The following DLG1 variants were observed in gnomAD, a reference collection of about 807,000 sequenced individuals.
DLG1 encodes the protein disks large homolog 1.
A neutral mutation model predicts 123.4 loss-of-function variants in DLG1; 42 were observed. That is an observed-to-expected ratio of 0.34 (90% CI 0.27 to 0.44). The LOEUF is 0.44. Ranked by LOEUF, DLG1 falls within the 20% of genes least tolerant of loss-of-function variation. The probability of loss-of-function intolerance (pLI) is 1.00; values close to 1 mark genes in which losing one functional copy is unlikely to be tolerated. For missense variants in DLG1, 942 were observed against 1,082.6 expected (o/e 0.87, Z 1.82); for synonymous variants, 317 against 356.2 (o/e 0.89, Z 1.24).
At chr3:197,277,015 CT>C (rs1243457634) in intron 4 of DLG1, among the ~76,000 whole-genome samples, 2 of 151,522 alleles carry the variant, frequency 1.3e-5, no homozygotes, top group African/African-American at 4.9e-5. Context: ...CCTCAGCCTC[CT>C]GAGTAGCTGG....
intron 19 of DLG1, among the ~76,000 whole-genome samples, chr3:197,067,546 TGA>T (rs1202769632): frequency 7.4e-6 from 1 of 135,754 alleles, no homozygotes; most frequent in East Asian, 2.5e-4. Context: ...TTAAAAACTC[TGA>T]GAGTTTTTTT....
chr3:197,165,413 T>A (rs1427004619), intron 5 of DLG1, among the ~76,000 whole-genome samples: 1 of 152,234 alleles, frequency 6.6e-6, no homozygotes, highest in Non-Finnish European at 1.5e-5. Context: ...TCTGGGATGA[T>A]GAAAAGTTCT....
chr3:197,278,759 T>C (rs1767796939), intron 4 of DLG1, among the ~76,000 whole-genome samples: 1 of 150,168 alleles, frequency 6.7e-6, no homozygotes, highest in Non-Finnish European at 1.5e-5. Context: ...AAGACAAAAC[T>C]GGATAGCTGC....
chr3:197,177,745 G>C (rs1290873866), intron 5 of DLG1, among the ~76,000 whole-genome samples: 1 of 152,026 alleles, frequency 6.6e-6, no homozygotes, highest in East Asian at 1.9e-4. Flanking sequence ...TCCTAGTTTG[G>C]TCTGAGTTAT....
intron 4 of DLG1, among the ~76,000 whole-genome samples, chr3:197,252,378 CAT>C (rs1754863041): frequency 6.6e-6 from 1 of 152,076 alleles, no homozygotes; most frequent in African/African-American, 2.4e-5. Flanking sequence ...GTGGTATAGA[CAT>C]ATAATAGAAT....
intron 4 of DLG1, among the ~76,000 whole-genome samples, chr3:197,266,404 C>G (rs1761713589): frequency 6.6e-6 from 1 of 151,922 alleles, no homozygotes; most frequent in East Asian, 1.9e-4. Context: ...ACGAAACTAT[C>G]GAGACCAACC....
chr3:197,068,485 A>G, intron 19 of DLG1: 1 of 1,535,168 alleles, frequency 6.5e-7, no homozygotes, highest in Non-Finnish European at 8.9e-7. Flanking sequence ...TTAGGGACTG[A>G]TATTAACAGG....
intron 11 of DLG1, 77 bp from the exon 12 acceptor site, chr3:197,119,607 T>C (rs988281080): frequency 2.6e-5 from 35 of 1,346,516 alleles, no homozygotes; most frequent in Middle Eastern, 2.0e-4. Context: ...GTGATTAATG[T>C]GTAATTTATA....
rs761529133 is a variant in DLG1 at position 197,065,346 on chromosome 3, A to G, written c.2303T>C (p.Ile768Thr). The G allele has an allele frequency of 1.7e-5, 28 of 1,613,344 alleles. No homozygotes were observed. Among genetic ancestry groups the G allele is most frequent in the Non-Finnish European group, 1.9e-5 (23 of 1,179,816 alleles). ...ATGATTGTTATACTGGCCAGCTTCA[A>G]TGAATTTATGTTCCTGGATATCTTT... ...MEKDIQEHKFIEAGQYNNHLY... is the reference protein window; with the variant it reads ...MEKDIQEHKFTEAGQYNNHLY... The change falls in exon 22 of 25, where the codon ATT (isoleucine) becomes ACT (threonine). Residue 768 changes from isoleucine (I) to threonine (T), a missense_variant. Transcript: ENST00000667157.
intron 5 of DLG1, among the ~76,000 whole-genome samples, chr3:197,175,283 T>C (rs1176852881): frequency 6.6e-6 from 1 of 152,150 alleles, no homozygotes; most frequent in Non-Finnish European, 1.5e-5. Context: ...AACTTTGCTA[T>C]AAAAATGGAG....
intron 1 of DLG1, chr3:197,298,235 C>G (rs1249920790): frequency 5.9e-6 from 2 of 340,660 alleles, no homozygotes; most frequent in Non-Finnish European, 1.1e-5. Context: ...GCGCTGCTAC[C>G]TTCGGGTTGG....
At chr3:197,299,027 G>T, upstream of DLG1, 1 of 153,012 alleles carries the variant, frequency 6.5e-6, no homozygotes. Flanking sequence ...AACTCTGACG[G>T]TCCCTTTAAG....
intron 4 of DLG1, among the ~76,000 whole-genome samples, chr3:197,199,655 C>T (rs1004102682): frequency 6.6e-6 from 1 of 152,082 alleles, no homozygotes; most frequent in Non-Finnish European, 1.5e-5. Context: ...AAAGTACTTC[C>T]AAGTAGCTTT....
chr3:197,154,119 A>C (rs1038418535), intron 5 of DLG1, among the ~76,000 whole-genome samples: 3 of 151,622 alleles, frequency 2.0e-5, no homozygotes, highest in South Asian at 2.1e-4. Flanking sequence ...TGGCCAACAT[A>C]CTGAAACCCT....
At chr3:197,123,641 G>C (rs896797132) in intron 11 of DLG1, among the ~76,000 whole-genome samples, 2 of 152,122 alleles carry the variant, frequency 1.3e-5, no homozygotes, top group Non-Finnish European at 2.9e-5. Flanking sequence ...GAAAAACTGG[G>C]GTCTTAATTG....
chr3:197,243,860 C>T (rs1279554083), intron 4 of DLG1, among the ~76,000 whole-genome samples: 10 of 152,248 alleles, frequency 6.6e-5, no homozygotes, highest in East Asian at 5.8e-4. Context: ...GGGACTCCAA[C>T]GGCGTCTATA....
chr3:197,074,457 T>C (rs1172341933), intron 18 of DLG1, among the ~76,000 whole-genome samples: 1 of 152,108 alleles, frequency 6.6e-6, no homozygotes, highest in Non-Finnish European at 1.5e-5. Context: ...AAATTCTTCA[T>C]TTAGTTTCTT....
intron 10 of DLG1, among the ~76,000 whole-genome samples, chr3:197,135,399 C>T (rs1784581019): frequency 6.6e-6 from 1 of 152,164 alleles, no homozygotes; most frequent in African/African-American, 2.4e-5. Context: ...TTATAAGCAT[C>T]TGGCATTTCC....
At chr3:197,297,084 G>C in intron 2 of DLG1, 102 bp downstream of exon 2, 1 of 1,268,218 alleles carries the variant, frequency 7.9e-7, no homozygotes, top group Non-Finnish European at 1.2e-6. Flanking sequence ...GGACCGTGCT[G>C]TCTCATCAAA....
Sources: allele counts gnomAD v4.1 joint callset (sites outside exome capture counted in the v4.1 genomes callset), GRCh38; gene constraint gnomAD v4.1.1; transcripts MANE v1.5; gene names NCBI Gene and HGNC (gene_info 2026-07-23, HGNC 2026-07-21).